Variants in CCSER1 observed in about 807,000 individuals in gnomAD.
CCSER1 encodes serine-rich coiled-coil domain-containing protein 1.
CCSER1 carries 41 observed loss-of-function variants against 82.0 expected under a neutral mutation model. The observed-to-expected ratio is 0.50, with a 90% confidence interval of 0.39 to 0.65. CCSER1 has a LOEUF of 0.65. CCSER1 is among the 30% of genes least tolerant of loss of function. The pLI, the probability that CCSER1 is intolerant of heterozygous loss-of-function variation, is 0.00. For missense variants in CCSER1, 1,119 were observed against 1,064.2 expected, an observed-to-expected ratio of 1.05 and a Z score of -0.72; for synonymous variants, 414 against 383.9, an observed-to-expected ratio of 1.08 and a Z score of -0.92.
intron 10 of CCSER1, among the ~76,000 whole-genome samples, chr4:91,206,020 T>C (rs988553707): frequency 1.3e-5 from 2 of 151,820 alleles, no homozygotes. Context: ...AAAGCAAAGA[T>C]GCGTAAGCTA....
At chr4:91,520,569 A>AT (rs1211207495) in intron 10 of CCSER1, among the ~76,000 whole-genome samples, 2 of 152,078 alleles carry the variant, frequency 1.3e-5, no homozygotes, top group African/African-American at 4.8e-5. Flanking sequence ...GCAAAAACAC[A>AT]TTTTTTACTG....
intron 8 of CCSER1, among the ~76,000 whole-genome samples, chr4:90,846,216 A>G (rs1763219536): frequency 6.6e-6 from 1 of 152,222 alleles, no homozygotes; most frequent in Non-Finnish European, 1.5e-5. Context: ...CACTATAAAT[A>G]GAGATATGTG....
chr4:91,053,229 C>A (rs1225676832), intron 9 of CCSER1, among the ~76,000 whole-genome samples: 1 of 152,118 alleles, frequency 6.6e-6, no homozygotes, highest in East Asian at 1.9e-4. Context: ...AACAAAATTT[C>A]TATATACACC....
chr4:90,870,171 G>A (rs1349179676), intron 8 of CCSER1, among the ~76,000 whole-genome samples: 1 of 151,766 alleles, frequency 6.6e-6, no homozygotes, highest in East Asian at 1.9e-4. Flanking sequence ...TTTCCAATTT[G>A]GATGTACTTT....
chr4:90,172,121 G>A (rs768794084), intron 1 of CCSER1, among the ~76,000 whole-genome samples: 2 of 151,814 alleles, frequency 1.3e-5, no homozygotes, highest in African/African-American at 2.4e-5. Context: ...TGTCAAATCC[G>A]CTGGATGGAA....
chr4:90,410,046 A>G (rs372299713), intron 4 of CCSER1, among the ~76,000 whole-genome samples: 35 of 152,340 alleles, frequency 2.3e-4, no homozygotes, highest in East Asian at 1.5e-3. Context: ...GCCATTACAT[A>G]ATGGTAAAGG....
At chr4:90,959,260 C>A (rs896401652) in intron 9 of CCSER1, among the ~76,000 whole-genome samples, 1 of 152,152 alleles carries the variant, frequency 6.6e-6, no homozygotes, top group Non-Finnish European at 1.5e-5. Context: ...GTATTCTTTG[C>A]CTATTTCCAA....
intron 1 of CCSER1, among the ~76,000 whole-genome samples, chr4:90,167,920 T>A (rs1730831972): frequency 6.6e-6 from 1 of 152,110 alleles, no homozygotes; most frequent in Non-Finnish European, 1.5e-5. Context: ...TTGTGAATGG[T>A]GCCACGATAA....
intron 5 of CCSER1, among the ~76,000 whole-genome samples, chr4:90,483,605 A>C (rs1025150116): frequency 6.6e-6 from 1 of 152,084 alleles, no homozygotes; most frequent in African/African-American, 2.4e-5. Context: ...TTGTCTGTAA[A>C]GTATTTTATT....
At chr4:90,179,517 A>T (rs1350288316) in intron 1 of CCSER1, among the ~76,000 whole-genome samples, 1 of 152,118 alleles carries the variant, frequency 6.6e-6, no homozygotes. Context: ...TAGCTATAGG[A>T]TTATAGTTGT....
intron 10 of CCSER1, among the ~76,000 whole-genome samples, chr4:91,397,675 T>C (rs1200010839): frequency 6.6e-6 from 1 of 152,024 alleles, no homozygotes; most frequent in East Asian, 1.9e-4. Context: ...CCCTGGGTAT[T>C]GGATGGAAGG....
intron 10 of CCSER1, among the ~76,000 whole-genome samples, chr4:91,168,741 T>A (rs11097304): frequency 1.3e-5 from 2 of 151,894 alleles, no homozygotes; most frequent in African/African-American, 4.8e-5. Context: ...ATGACGATGG[T>A]GGTTTTGTTG....
At chr4:90,625,753 C>T (rs1723142012) in intron 5 of CCSER1, among the ~76,000 whole-genome samples, 1 of 152,116 alleles carries the variant, frequency 6.6e-6, no homozygotes, top group African/African-American at 2.4e-5. Context: ...AAAATGCCAT[C>T]ATCTTTTCCT....
At chr4:91,080,189 TAGA>T (rs1478195493) in intron 9 of CCSER1, among the ~76,000 whole-genome samples, 2 of 152,180 alleles carry the variant, frequency 1.3e-5, no homozygotes, top group Non-Finnish European at 2.9e-5. Flanking sequence ...TCAGCAAATG[TAGA>T]AGAACAGAAA....
At chr4:90,930,389 C>T (rs1164043318) in intron 9 of CCSER1, among the ~76,000 whole-genome samples, 1 of 151,818 alleles carries the variant, frequency 6.6e-6, no homozygotes, top group Non-Finnish European at 1.5e-5. Flanking sequence ...ATCACGAGGT[C>T]AGGAGATCGA....
At chr4:90,592,423 A>G (rs576735311) in intron 5 of CCSER1, among the ~76,000 whole-genome samples, 17 of 152,104 alleles carry the variant, frequency 1.1e-4, no homozygotes, top group African/African-American at 3.9e-4. Context: ...AAAAATGTTT[A>G]TAGGGATACA....
chr4:90,246,950 TGG>T (rs1721510251), intron 1 of CCSER1, among the ~76,000 whole-genome samples: 1 of 151,986 alleles, frequency 6.6e-6, no homozygotes, highest in South Asian at 2.1e-4. Context: ...CATATCCAAA[TGG>T]CCAGCATCAC....
chr4:90,626,472 G>A (rs947057980), intron 5 of CCSER1, among the ~76,000 whole-genome samples: 25 of 152,114 alleles, frequency 1.6e-4, no homozygotes, highest in Admixed American at 7.2e-4. Context: ...TGTATAGTTC[G>A]TTGCAATTAG....
At chr4:90,313,160 G>T in intron 3 of CCSER1, 113 bp downstream of exon 3, 1 of 920,402 alleles carries the variant, frequency 1.1e-6, no homozygotes, top group Non-Finnish European at 1.6e-6. Context: ...ATATTTGAAG[G>T]GAAAATTTGT....
Sources: gnomAD v4.1 joint callset for allele counts (sites outside exome capture counted in the v4.1 genomes callset) on GRCh38, gnomAD v4.1.1 for gene constraint, MANE v1.5 for transcripts, NCBI Gene and HGNC (gene_info 2026-07-23, HGNC 2026-07-21) for gene names.